CCSER1: variants seen among roughly 807,000 people sequenced by gnomAD.
CCSER1 encodes the protein coiled-coil serine rich protein 1.
In CCSER1, 41 loss-of-function variants were observed where a neutral mutation model predicts 82.0. That is an observed-to-expected ratio of 0.50 (90% CI 0.39 to 0.65). CCSER1 has a LOEUF of 0.65. Among genes scored for constraint, CCSER1 ranks in the 30% least tolerant of loss-of-function variants. The probability of loss-of-function intolerance (pLI) is 0.00; values close to 1 mark genes in which losing one functional copy is unlikely to be tolerated. For missense variants in CCSER1, 1,119 were observed against 1,064.2 expected (o/e 1.05, Z -0.72); for synonymous variants, 414 against 383.9 (o/e 1.08, Z -0.92).
At chr4:91,008,336 T>C (rs1293569859) in intron 9 of CCSER1, among the ~76,000 whole-genome samples, 2 of 152,200 alleles carry the variant, frequency 1.3e-5, no homozygotes, top group East Asian at 3.8e-4. Flanking sequence ...TGTGTAGTTA[T>C]CTTTCTTTAT....
intron 3 of CCSER1, among the ~76,000 whole-genome samples, chr4:90,352,449 AGG>A (rs2153513211): frequency 6.6e-6 from 1 of 152,276 alleles, no homozygotes; most frequent in African/African-American, 2.4e-5. Flanking sequence ...GGATCACCTG[AGG>A]TCAGGAGTTC....
intron 10 of CCSER1, among the ~76,000 whole-genome samples, chr4:91,485,263 G>A (rs940732354): frequency 2.0e-5 from 3 of 152,106 alleles, no homozygotes; most frequent in Admixed American, 6.6e-5. Context: ...CAGAGCTCTG[G>A]TAGAGGACAA....
chr4:91,146,896 G>A (rs780564469), intron 10 of CCSER1, among the ~76,000 whole-genome samples: 2 of 152,174 alleles, frequency 1.3e-5, no homozygotes, highest in Admixed American at 6.5e-5. Context: ...ATGCAGCAAT[G>A]CTCTGGGAAA....
intron 5 of CCSER1, among the ~76,000 whole-genome samples, chr4:90,510,024 G>T (rs1231562722): frequency 6.6e-6 from 1 of 152,126 alleles, no homozygotes; most frequent in African/African-American, 2.4e-5. Flanking sequence ...GATTTTCATG[G>T]TTTATTAATC....
At chr4:90,164,350 T>C (rs1291571847) in intron 1 of CCSER1, among the ~76,000 whole-genome samples, 1 of 151,964 alleles carries the variant, frequency 6.6e-6, no homozygotes, top group African/African-American at 2.4e-5. Context: ...TAGAACAAAA[T>C]TTATTTTTAG....
At chr4:91,084,745 G>A (rs934626315) in intron 9 of CCSER1, among the ~76,000 whole-genome samples, 2 of 152,074 alleles carry the variant, frequency 1.3e-5, no homozygotes, top group African/African-American at 4.8e-5. Context: ...AAAAATAAAT[G>A]GTATGCCATG....
chr4:90,687,817 A>G (rs1735095852), intron 6 of CCSER1, among the ~76,000 whole-genome samples: 1 of 152,170 alleles, frequency 6.6e-6, no homozygotes, highest in Non-Finnish European at 1.5e-5. Context: ...TATACTTCAT[A>G]ATTGATGGGT....
intron 9 of CCSER1, among the ~76,000 whole-genome samples, chr4:91,047,249 C>T (rs904397625): frequency 6.6e-6 from 1 of 152,036 alleles, no homozygotes; most frequent in Non-Finnish European, 1.5e-5. Context: ...TACACACACA[C>T]ACACATATAT....
At chr4:91,081,413 CAAAAT>C (rs994031993) in intron 9 of CCSER1, among the ~76,000 whole-genome samples, 6 of 152,212 alleles carry the variant, frequency 3.9e-5, no homozygotes, top group African/African-American at 1.4e-4. Flanking sequence ...GGACATATCT[CAAAAT>C]AATAAGAGCT....
At chr4:90,170,498 G>A (rs1333829009) in intron 1 of CCSER1, among the ~76,000 whole-genome samples, 1 of 149,744 alleles carries the variant, frequency 6.7e-6, no homozygotes, top group Non-Finnish European at 1.5e-5. Context: ...TTTTTCACCA[G>A]TTAACCATCG....
At chr4:90,461,473 A>G (rs1762921319) in intron 4 of CCSER1, among the ~76,000 whole-genome samples, 1 of 152,126 alleles carries the variant, frequency 6.6e-6, no homozygotes, top group Non-Finnish European at 1.5e-5. Flanking sequence ...TTAAGTTTTT[A>G]AGTTTAGAAG....
At chr4:90,436,626 C>A (rs1341393149) in intron 4 of CCSER1, among the ~76,000 whole-genome samples, 3 of 152,000 alleles carry the variant, frequency 2.0e-5, no homozygotes, top group African/African-American at 7.2e-5. Flanking sequence ...TTATAAGAAT[C>A]CGATTTTCTT....
intron 10 of CCSER1, among the ~76,000 whole-genome samples, chr4:91,431,684 C>G (rs1272030530): frequency 6.6e-6 from 1 of 152,152 alleles, no homozygotes; most frequent in East Asian, 1.9e-4. Flanking sequence ...TCAGGCTGTT[C>G]TCAAACTCCC....
At chr4:90,908,894 T>C (rs947455235) in intron 8 of CCSER1, among the ~76,000 whole-genome samples, 3 of 152,194 alleles carry the variant, frequency 2.0e-5, no homozygotes, top group Non-Finnish European at 4.4e-5. Context: ...GTTAGGAGGC[T>C]GTATTAGTTT....
chr4:90,439,270 A>G (rs1203659186), intron 4 of CCSER1, among the ~76,000 whole-genome samples: 1 of 152,184 alleles, frequency 6.6e-6, no homozygotes, highest in Non-Finnish European at 1.5e-5. Flanking sequence ...CCCGTGTGAC[A>G]GAGCAAGATT....
At chr4:90,630,070 G>A (rs1450507726) in intron 6 of CCSER1, among the ~76,000 whole-genome samples, 1 of 152,098 alleles carries the variant, frequency 6.6e-6, no homozygotes, top group African/African-American at 2.4e-5. Context: ...TGCAAATTAG[G>A]GCCTCTTATT....
chr4:91,349,622 G>A (rs761194415), intron 10 of CCSER1, among the ~76,000 whole-genome samples: 37 of 152,016 alleles, frequency 2.4e-4, no homozygotes, highest in Admixed American at 3.9e-4. Flanking sequence ...AGTAGGTAAG[G>A]CTGTGCTACA....
rs147185210 is a variant in CCSER1 at position 90,774,012 on chromosome 4, T to C, written c.2011-41750T>C. ...ACATAAGATACGATAAAATAAAAGT[T>C]GGTAAGTTATAAATACTGTAAGTGC... On this transcript the variant is annotated intron_variant, in intron 7 of 10. Coordinates refer to ENST00000509176, the MANE Select transcript of CCSER1 (RefSeq NM_001145065.2). 3.0e-4 allele frequency among the ~76,000 whole-genome samples: 46 copies of C among 152,210 alleles called. No homozygotes were observed. The East Asian group carries it at 7.7e-3, about 26-fold the overall frequency.
intron 7 of CCSER1, among the ~76,000 whole-genome samples, chr4:90,730,837 G>A (rs12510662): frequency 0.46 from 69,457 of 151,926 alleles, 16,678 homozygotes; most frequent in African/African-American, 0.61. Context: ...CATTGTGTTT[G>A]GAGTAGAATG....
Sources: gnomAD v4.1 joint callset for allele counts (sites outside exome capture counted in the v4.1 genomes callset) on GRCh38, gnomAD v4.1.1 for gene constraint, MANE v1.5 for transcripts, NCBI Gene and HGNC (gene_info 2026-07-23, HGNC 2026-07-21) for gene names.